Variants in MRPL58 observed in about 807,000 individuals in gnomAD.
The protein encoded by MRPL58 is large ribosomal subunit protein mL62.
A neutral mutation model predicts 26.0 loss-of-function variants in MRPL58; 17 were observed. The ratio of observed to expected loss-of-function variants is 0.65; its 90% CI spans 0.45 to 0.98. The LOEUF is 0.98. Among genes scored for constraint, MRPL58 ranks in the 50% least tolerant of loss-of-function variants. The pLI is 0.00. For missense variants in MRPL58, 250 were observed against 269.0 expected (o/e 0.93, Z 0.49); for synonymous variants, 100 against 99.7 (o/e 1.00, Z -0.02).
intron 2 of MRPL58, among the ~76,000 whole-genome samples, chr17:75,019,060 G>A (rs1184505107): frequency 1.3e-5 from 2 of 151,756 alleles, no homozygotes; most frequent in East Asian, 1.9e-4. Context: ...AGCCTGGGAT[G>A]TTGAGGCTGC....
chr17:75,013,122 C>T (rs1244667505), intron 1 of MRPL58, among the ~76,000 whole-genome samples: 1 of 152,216 alleles, frequency 6.6e-6, no homozygotes, highest in African/African-American at 2.4e-5. Flanking sequence ...ACGTTCGTGT[C>T]CTTGGCCCTC....
intron 1 of MRPL58, 21 bp downstream of exon 1, chr17:75,012,893 C>T: frequency 6.3e-7 from 1 of 1,591,178 alleles, no homozygotes; most frequent in Non-Finnish European, 8.5e-7. Flanking sequence ...AAGGACTGGA[C>T]GGAAGGGGCG....
At chr17:75,016,497 A>G (rs1038082274) in intron 1 of MRPL58, among the ~76,000 whole-genome samples, 23 of 152,038 alleles carry the variant, frequency 1.5e-4, no homozygotes, top group African/African-American at 5.5e-4. Flanking sequence ...AAAGCCTCGG[A>G]GTGGGTGGCG....
intron 1 of MRPL58, among the ~76,000 whole-genome samples, chr17:75,016,175 G>A (rs921438024): frequency 2.5e-4 from 38 of 151,662 alleles, no homozygotes; most frequent in African/African-American, 8.7e-4. Context: ...AGGCCAAGGC[G>A]GGCAGCTCTC....
At chr17:75,016,317 G>A (rs1326207690) in intron 1 of MRPL58, among the ~76,000 whole-genome samples, 1 of 151,990 alleles carries the variant, frequency 6.6e-6, no homozygotes, top group Non-Finnish European at 1.5e-5. Flanking sequence ...TCAGGAGGCT[G>A]AGGCAGGAGA....
Position 75,019,739 on chromosome 17 carries a change from G to C in MRPL58, c.263G>C (p.Gly88Ala), listed in dbSNP as rs771468987. 11 of 1,608,490 alleles carry C rather than the reference G, an allele frequency of 6.8e-6. No homozygotes were observed. The African/African-American group carries it at 9.4e-5, about 14-fold the overall frequency. ...TCTTATTGTCGGAGTAGTGGTCCTG[G>C]GGGGCAGAATGTGAACAAAGGTACG... ...TISYCRSSGP[G>A]GQNVNKVNSK... Residue 88 changes from glycine to alanine, a missense_variant, in exon 3 of 6, where the codon GGG (glycine) becomes GCG (alanine). Gly to Ala is a moderately conservative substitution (Grantham distance 60). Coordinates refer to ENST00000301585, the MANE Select transcript of MRPL58 (RefSeq NM_001545.3).
chr17:75,013,031 G>A (rs557163382), intron 1 of MRPL58, among the ~76,000 whole-genome samples, 159 bp downstream of exon 1: 6 of 152,150 alleles, frequency 3.9e-5, no homozygotes, highest in African/African-American at 4.8e-5. Flanking sequence ...GGCCGGGAGT[G>A]GGGTGCTCGC....
intron 1 of MRPL58, among the ~76,000 whole-genome samples, chr17:75,014,352 ATTTT>A (rs35954769): frequency 1.8e-5 from 2 of 113,320 alleles, no homozygotes; most frequent in African/African-American, 3.6e-5. Flanking sequence ...CAACCGGCTA[ATTTT>A]TTTTTTTTTT....
In MRPL58 at chr17:75,020,964, C is replaced by T. The variant is rs781046033; in HGVS notation, c.580C>T (p.His194Tyr). The change falls in exon 6 of 6, where the codon CAT becomes TAT. Residue 194 changes from histidine (H) to tyrosine (Y), a missense_variant. By Grantham distance (83) the His-to-Tyr change is moderately conservative (BLOSUM62 2). Coordinates refer to ENST00000301585, the MANE Select transcript of MRPL58 (RefSeq NM_001545.3). The part of the protein sequence containing the change: ...NRERLRQKRI[H>Y]SAVKTSRRVD... ...GGAAAGGCTGAGACAAAAGAGAATT[C>T]ATTCTGCTGTAAAGACAAGCAGGAG... 1.9e-6 allele frequency: 3 copies of T among 1,614,058 alleles called. No homozygotes were observed. In the Admixed American group the frequency reaches 5.0e-5, roughly 27 times the overall value.
chr17:75,020,800 C>A, intron 5 of MRPL58, 121 bp from the exon 6 acceptor site: 2 of 1,206,814 alleles, frequency 1.7e-6, no homozygotes, highest in Non-Finnish European at 2.4e-6. Context: ...GGGACCGAGG[C>A]CTGCGGGCTA....
chr17:75,018,519 A>G (rs1366564327), intron 2 of MRPL58: 2 of 152,240 alleles, frequency 1.3e-5, no homozygotes, highest in African/African-American at 4.8e-5. Flanking sequence ...GGTGTGAGCC[A>G]CCGTGCCCAG....
chr17:75,014,964 C>A (rs1384637582), intron 1 of MRPL58, among the ~76,000 whole-genome samples: 1 of 152,114 alleles, frequency 6.6e-6, no homozygotes, highest in Non-Finnish European at 1.5e-5. Flanking sequence ...AGACAGTAAA[C>A]AAATAGGGAA....
intron 2 of MRPL58, among the ~76,000 whole-genome samples, chr17:75,017,344 G>C (rs751995045): frequency 3.3e-5 from 5 of 152,088 alleles, no homozygotes; most frequent in Non-Finnish European, 5.9e-5. Context: ...CGGGCATGGT[G>C]TCTCATACCT....
At chr17:75,014,179 C>CTTTTTTT (rs570042413) in intron 1 of MRPL58, among the ~76,000 whole-genome samples, 6 of 77,038 alleles carry the variant, frequency 7.8e-5, no homozygotes, top group Non-Finnish European at 1.1e-4. Flanking sequence ...AGTCTGGGGC[C>CTTTTTTT]TTTTTTTTTT....
At chr17:75,015,329 C>T (rs1445089444) in intron 1 of MRPL58, among the ~76,000 whole-genome samples, 1 of 152,114 alleles carries the variant, frequency 6.6e-6, no homozygotes, top group Non-Finnish European at 1.5e-5. Flanking sequence ...ACTAAAAATA[C>T]AAAAATTAGT....
rs552796353 is a variant in MRPL58 at position 75,012,982 on chromosome 17, T to G, written c.186+110T>G. The G allele has an allele frequency of 8.7e-5, 88 of 1,012,048 alleles. 1 individual carries two copies. The South Asian group carries it at 1.2e-3, about 14-fold the overall frequency. The allele number at this position is 1,012,048 out of a possible 1,614,324, so 62.7% of individuals were successfully genotyped here. A position where few individuals can be genotyped will look rare whatever the true frequency, so the allele number is the denominator to read the frequency against. ...GGAGCTACGTCGGGGGGCTACGTGATGGTCGCCGCGGGAGGGGGCTGGCTG... is the reference window on the plus strand; with the variant it reads ...GGAGCTACGTCGGGGGGCTACGTGAGGGTCGCCGCGGGAGGGGGCTGGCTG... On this transcript the variant is annotated intron_variant, in intron 1 of 5. Transcript: ENST00000301585.
Position 75,018,422 on chromosome 17 carries a change from C to G in MRPL58, c.224-1278C>G, listed in dbSNP as rs562118702. On this transcript the variant is annotated intron_variant, in intron 2 of 5. Transcript: ENST00000301585. ...AATTTTTTGTATTTTTTAGTAGAGA[C>G]GGGGTTTCACCATGTTAGCCAGGAT... Among the ~76,000 whole-genome samples the G allele has an allele frequency of 1.5e-4, 23 of 151,908 alleles. No individual in the cohort carries two copies. The South Asian group carries it at 4.8e-3, about 32-fold the overall frequency.
intron 1 of MRPL58, among the ~76,000 whole-genome samples, chr17:75,015,159 T>C (rs898736718): frequency 2.6e-5 from 4 of 152,108 alleles, no homozygotes; most frequent in African/African-American, 9.7e-5. Flanking sequence ...GAAGAAAGGT[T>C]TGAGTTTGAG....
intron 1 of MRPL58, among the ~76,000 whole-genome samples, chr17:75,014,091 T>G (rs573406024): frequency 6.6e-6 from 1 of 151,884 alleles, no homozygotes; most frequent in African/African-American, 2.4e-5. Context: ...GGTCAGATCC[T>G]AGACGTATTT....
Sources: allele counts gnomAD v4.1 joint callset (sites outside exome capture counted in the v4.1 genomes callset), GRCh38; gene constraint gnomAD v4.1.1; transcripts MANE v1.5; gene names NCBI Gene and HGNC (gene_info 2026-07-23, HGNC 2026-07-21).